The following GJA3 variants were observed in gnomAD, a reference collection of about 807,000 sequenced individuals.
GJA3 encodes the protein gap junction alpha-3 protein.
For missense variants in GJA3, 571 were observed against 620.3 expected (o/e 0.92, Z 0.84); for synonymous variants, 297 against 292.6 (o/e 1.02, Z -0.15).
intron 1 of GJA3, among the ~76,000 whole-genome samples, chr13:20,158,061 C>T (rs1471823881): frequency 1.3e-5 from 2 of 152,186 alleles, no homozygotes; most frequent in Non-Finnish European, 2.9e-5. Context: ...TGGTCTCAAA[C>T]TCCTGGGCTC....
chr13:20,151,599 G>A (rs1958878079), intron 1 of GJA3, among the ~76,000 whole-genome samples: 1 of 152,182 alleles, frequency 6.6e-6, no homozygotes, highest in Non-Finnish European at 1.5e-5. Context: ...CGGGGCTCCA[G>A]GACATGGGAG....
chr13:20,158,912 C>CAAAAAAAAAAAAAAAAAAAA (rs1159654355), intron 1 of GJA3, among the ~76,000 whole-genome samples: 235 of 54,888 alleles, frequency 4.3e-3, no homozygotes, highest in Middle Eastern at 0.053. Context: ...GCAAAACTCT[C>CAAAAAAAAAAAAAAAAAAAA]AAAAAAAAAA....
At position 20,141,999 on chromosome 13, in the gene GJA3, C is replaced by T. The variant is rs942579142; in HGVS notation, c.1290G>A (p.Pro430=). ...ASRASSGRAR[P]EDLAI is the part of the protein sequence containing the mutation. Reference sequence around the variant, plus strand: ...CCGGGCACTAGATGGCCAAGTCCTCCGGTCTGGCCCGCCCGCTGCTGGCCC... The same window carrying T: ...CCGGGCACTAGATGGCCAAGTCCTCTGGTCTGGCCCGCCCGCTGCTGGCCC... Residue 430 remains proline, a synonymous_variant, in exon 2 of 2, where the codon CCG becomes CCA. Coordinates refer to ENST00000241125, the MANE Select transcript of GJA3 (RefSeq NM_021954.4). 1.0e-5 allele frequency: 16 copies of T among 1,550,192 alleles called. No individual in the cohort carries two copies. The highest frequency in any genetic ancestry group is 1.7e-4 in the Middle Eastern group (1 of 6,010).
At chr13:20,160,541 C>T (rs1490931264) in intron 1 of GJA3, among the ~76,000 whole-genome samples, 1 of 152,198 alleles carries the variant, frequency 6.6e-6, no homozygotes, top group Non-Finnish European at 1.5e-5. Flanking sequence ...TTCCTCCACC[C>T]GAGGGGGAAA....
At chr13:20,147,139 G>A (rs1294671694) in intron 1 of GJA3, among the ~76,000 whole-genome samples, 1 of 152,176 alleles carries the variant, frequency 6.6e-6, no homozygotes. Context: ...TCTTTTCCAC[G>A]TACAGTACAG....
chr13:20,148,950 T>A (rs1159724022), intron 1 of GJA3, among the ~76,000 whole-genome samples: 1 of 152,264 alleles, frequency 6.6e-6, no homozygotes, highest in African/African-American at 2.4e-5. Flanking sequence ...TGGCCCTTAA[T>A]CTTTTTGGTT....
chr13:20,156,326 A>T (rs1365044477), intron 1 of GJA3, among the ~76,000 whole-genome samples: 1 of 151,968 alleles, frequency 6.6e-6, no homozygotes, highest in Non-Finnish European at 1.5e-5. Flanking sequence ...ATTTTATTTT[A>T]TGACAGAATC....
chr13:20,152,272 G>A (rs527711768), intron 1 of GJA3, among the ~76,000 whole-genome samples: 1 of 150,756 alleles, frequency 6.6e-6, no homozygotes, highest in East Asian at 2.0e-4. Context: ...ACCTGCAGAG[G>A]AGCTGATCAC....
chr13:20,145,347 G>A (rs116400466), intron 1 of GJA3, among the ~76,000 whole-genome samples: 9 of 152,216 alleles, frequency 5.9e-5, no homozygotes, highest in African/African-American at 1.9e-4. Flanking sequence ...TAGAGAAAGC[G>A]GACTACTCAC....
intron 1 of GJA3, among the ~76,000 whole-genome samples, chr13:20,147,667 A>G (rs1012723028): frequency 4.6e-5 from 7 of 152,334 alleles, no homozygotes; most frequent in Admixed American, 2.6e-4. Flanking sequence ...CTATGACAAC[A>G]TATCACACTG....
chr13:20,152,936 G>C (rs185534347), intron 1 of GJA3, among the ~76,000 whole-genome samples: 32 of 152,244 alleles, frequency 2.1e-4, no homozygotes, highest in African/African-American at 7.2e-4. Flanking sequence ...ACATTTCTAC[G>C]AGGGCATGGT....
intron 1 of GJA3, 77 bp from the exon 2 acceptor site, chr13:20,143,382 G>C (rs1214338398): frequency 3.0e-6 from 3 of 1,005,044 alleles, no homozygotes; most frequent in Non-Finnish European, 4.3e-6. Flanking sequence ...CGGCGGCAGC[G>C]GCCTGGATGG....
intron 1 of GJA3, among the ~76,000 whole-genome samples, chr13:20,159,686 AACAGT>A (rs1419396471): frequency 6.6e-6 from 1 of 152,114 alleles, no homozygotes; most frequent in Non-Finnish European, 1.5e-5. Flanking sequence ...CTGGTTAAGA[AACAGT>A]ACTGTCTGAT....
chr13:20,149,439 T>C (rs1027011168), intron 1 of GJA3, among the ~76,000 whole-genome samples: 1 of 152,090 alleles, frequency 6.6e-6, no homozygotes, highest in Admixed American at 6.5e-5. Context: ...GAGCCATGAT[T>C]GTGCCACTGC....
At chr13:20,147,567 G>A (rs920724353) in intron 1 of GJA3, among the ~76,000 whole-genome samples, 3 of 152,272 alleles carry the variant, frequency 2.0e-5, no homozygotes, top group Admixed American at 2.0e-4. Context: ...CTCTTACGTG[G>A]ACACAGAAAA....
At chr13:20,143,428 G>T in intron 1 of GJA3, 123 bp from the exon 2 acceptor site, 1 of 614,512 alleles carries the variant, frequency 1.6e-6, no homozygotes, top group Non-Finnish European at 2.7e-6. Flanking sequence ...TTCTCCACAG[G>T]ACAGGCATCG....
Position 20,142,077 on chromosome 13 carries a change from C to T in GJA3, c.1212G>A (p.Met404Ile). 1 of 1,549,662 alleles carries T rather than the reference C, an allele frequency of 6.5e-7. No individual in the cohort carries two copies. Among genetic ancestry groups the T allele is most frequent in the East Asian group, 2.4e-5 (1 of 40,898 alleles). The change falls in exon 2 of 2, where the codon ATG becomes ATA. Residue 404 changes from methionine to isoleucine, a missense_variant. By Grantham distance (10) the Met-to-Ile change is conservative. Transcript: ENST00000241125. ...CTCCGAGGGGCAAGGGCGGCTGGTG[C>T]ATCTGGGCCGCGGTGGTCACGGCCT... The part of the protein sequence containing the change: ...EEQAVTTAAQ[M>I]HQPPLPLGDP...
chr13:20,157,618 C>T (rs1051795230), intron 1 of GJA3, among the ~76,000 whole-genome samples: 3 of 152,198 alleles, frequency 2.0e-5, no homozygotes, highest in African/African-American at 7.2e-5. Flanking sequence ...TCCCCTCCCA[C>T]ACCACTTCAT....
Position 20,140,856 on chromosome 13 carries a change from T to C in GJA3, c.*1125A>G, listed in dbSNP as rs1339428191. The C allele has an allele frequency of 6.6e-6, 1 of 152,258 alleles. No individual in the cohort carries two copies. Among genetic ancestry groups the C allele is most frequent in the Non-Finnish European group, 1.5e-5 (1 of 68,046 alleles). The allele number at this position is 152,258 out of a possible 1,614,324, so 9.4% of individuals were successfully genotyped here. A position where few individuals can be genotyped will look rare whatever the true frequency, so the allele number is the denominator to read the frequency against. ...TACTTTTTAAAAGTGTAGATTGTCATAGATTCATCTGTATAAATAATTTTC... is the reference window on the plus strand; with the variant it reads ...TACTTTTTAAAAGTGTAGATTGTCACAGATTCATCTGTATAAATAATTTTC... On this transcript the variant is annotated 3_prime_UTR_variant, in exon 2 of 2. Coordinates refer to ENST00000241125, the MANE Select transcript of GJA3 (RefSeq NM_021954.4).
Sources: allele counts gnomAD v4.1 joint callset (sites outside exome capture counted in the v4.1 genomes callset), GRCh38; gene constraint gnomAD v4.1.1; transcripts MANE v1.5; gene names NCBI Gene and HGNC (gene_info 2026-07-23, HGNC 2026-07-21).